Variants in NELL1 observed in about 807,000 individuals in gnomAD.
NELL1 encodes protein kinase C-binding protein NELL1.
Under a neutral mutation model 107.4 loss-of-function variants are expected in NELL1, and 76 were observed. That is an observed-to-expected ratio of 0.71 (90% CI 0.59 to 0.86). The LOEUF is 0.86. NELL1 is among the 40% of genes least tolerant of loss of function. The pLI, the probability that NELL1 is intolerant of heterozygous loss-of-function variation, is 0.00. For synonymous variants in NELL1, 353 were observed against 341.2 expected (o/e 1.03, Z -0.38); for missense variants, 1,024 against 1,005.5 (o/e 1.02, Z -0.25).
chr11:21,029,747 G>T (rs1039146992), intron 12 of NELL1, among the ~76,000 whole-genome samples: 1 of 152,136 alleles, frequency 6.6e-6, no homozygotes, highest in African/African-American at 2.4e-5. Flanking sequence ...TGAATAAAGG[G>T]CATGGAAGAA....
chr11:20,926,701 T>A (rs1279683329), intron 7 of NELL1, among the ~76,000 whole-genome samples: 1 of 152,200 alleles, frequency 6.6e-6, no homozygotes, highest in Non-Finnish European at 1.5e-5. Flanking sequence ...TTTTACAAAA[T>A]TCTGATCTTA....
intron 15 of NELL1, among the ~76,000 whole-genome samples, chr11:21,497,126 C>T (rs1256640053): frequency 2.3e-5 from 3 of 129,256 alleles, no homozygotes; most frequent in Non-Finnish European, 4.6e-5. Context: ...GATTTATAAT[C>T]CTTTGGGTAT....
At chr11:21,043,042 A>G (rs1423957434) in intron 12 of NELL1, among the ~76,000 whole-genome samples, 2 of 152,176 alleles carry the variant, frequency 1.3e-5, no homozygotes, top group East Asian at 3.9e-4. Context: ...TTACGGTGCT[A>G]TTAATAACTC....
intron 13 of NELL1, among the ~76,000 whole-genome samples, chr11:21,221,707 T>G (rs1857761616): frequency 6.6e-6 from 1 of 152,184 alleles, no homozygotes; most frequent in Non-Finnish European, 1.5e-5. Context: ...TTTTTGTTGT[T>G]GTTCAGGCAA....
At chr11:21,049,395 C>T (rs905959275) in intron 12 of NELL1, among the ~76,000 whole-genome samples, 1 of 152,166 alleles carries the variant, frequency 6.6e-6, no homozygotes, top group Admixed American at 6.5e-5. Context: ...TTTGAAACTT[C>T]TCCTGAGCAG....
chr11:20,921,762 T>A (rs547043273), intron 7 of NELL1, among the ~76,000 whole-genome samples: 21 of 151,536 alleles, frequency 1.4e-4, no homozygotes, highest in Non-Finnish European at 2.8e-4. Context: ...AAGAAGAAGG[T>A]TATGGCAAGA....
intron 15 of NELL1, among the ~76,000 whole-genome samples, chr11:21,398,142 T>A (rs993032137): frequency 4.6e-5 from 7 of 151,678 alleles, no homozygotes; most frequent in Non-Finnish European, 3.0e-5. Context: ...CATTTTTAAT[T>A]TATGAACGAG....
chr11:21,206,794 C>T (rs1471868994), intron 13 of NELL1, among the ~76,000 whole-genome samples: 1 of 152,100 alleles, frequency 6.6e-6, no homozygotes, highest in African/African-American at 2.4e-5. Context: ...ACTGAGACTC[C>T]CTGAAGGAGA....
chr11:21,524,052 AT>A (rs1214946509), intron 15 of NELL1, among the ~76,000 whole-genome samples: 2 of 152,102 alleles, frequency 1.3e-5, no homozygotes, highest in African/African-American at 4.8e-5. Flanking sequence ...TTTTCTTTAC[AT>A]TTTGAACATA....
At chr11:21,021,270 G>C (rs1302730124) in intron 12 of NELL1, among the ~76,000 whole-genome samples, 1 of 150,982 alleles carries the variant, frequency 6.6e-6, no homozygotes, top group African/African-American at 2.4e-5. Context: ...AGCTTGGCTT[G>C]ATGGGGCTGG....
intron 3 of NELL1, among the ~76,000 whole-genome samples, chr11:20,841,409 G>A (rs923179039): frequency 1.3e-5 from 2 of 150,364 alleles, no homozygotes; most frequent in African/African-American, 4.9e-5. Context: ...TGTGCCCAGT[G>A]CCCAGGGAGA....
chr11:21,328,832 C>A (rs932719409), intron 14 of NELL1, among the ~76,000 whole-genome samples: 1 of 152,152 alleles, frequency 6.6e-6, no homozygotes, highest in Non-Finnish European at 1.5e-5. Flanking sequence ...GGATTTCAAA[C>A]TTGCATGAGG....
Position 20,971,533 on chromosome 11 carries a change from G to C in NELL1, c.1300+10973G>C, listed in dbSNP as rs1408974846. ...CAGAAATGAGAATTGAACTCACTCA[G>C]TTTTTATTGTACTCTTGTTATTGCA... On this transcript the variant is annotated intron_variant, in intron 12 of 19. Transcript: ENST00000357134. 2.0e-5 allele frequency among the ~76,000 whole-genome samples: 3 copies of C among 152,226 alleles called. No homozygotes were observed. The East Asian group carries it at 5.8e-4, about 29-fold the overall frequency.
At chr11:20,711,494 C>T (rs144709312) in intron 2 of NELL1, among the ~76,000 whole-genome samples, 1,536 of 151,968 alleles carry the variant, frequency 0.01, 25 homozygotes, top group African/African-American at 0.035. Flanking sequence ...TTATGTTTCA[C>T]GGAGGTTCTA....
rs539479235 is a variant in NELL1, at chr11:21,456,058, A to G, written c.1646-78316A>G. Among the ~76,000 whole-genome samples, 3 of 151,636 alleles carry G rather than the reference A, an allele frequency of 2.0e-5. No homozygotes were observed. In the South Asian group the frequency reaches 6.3e-4, roughly 32 times the overall value. ...AGGCACGTGCCACCAAGCCTGGCTA[A>G]TTATTTGTATTTTTTATACAGACAG... On this transcript the variant is annotated intron_variant, in intron 15 of 19. Transcript: ENST00000357134.
At chr11:20,722,020 T>A (rs1466183397) in intron 2 of NELL1, among the ~76,000 whole-genome samples, 151 of 15,076 alleles carry the variant, frequency 0.01, 1 homozygote, top group South Asian at 0.04. Flanking sequence ...TGAGTCTCTC[T>A]TTTTTTTTTT....
chr11:21,467,949 T>C (rs1276372759), intron 15 of NELL1, among the ~76,000 whole-genome samples: 1 of 152,106 alleles, frequency 6.6e-6, no homozygotes, highest in Non-Finnish European at 1.5e-5. Context: ...TCAGTAAATA[T>C]GGCTTTGGGA....
At chr11:20,828,805 T>G (rs2134033892) in intron 3 of NELL1, among the ~76,000 whole-genome samples, 1 of 152,310 alleles carries the variant, frequency 6.6e-6, no homozygotes, top group South Asian at 2.1e-4. Flanking sequence ...CTGTGACAGG[T>G]AGAAGGTGGA....
At chr11:21,359,190 TCACA>T (rs899291359) in intron 14 of NELL1, among the ~76,000 whole-genome samples, 31 of 152,168 alleles carry the variant, frequency 2.0e-4, no homozygotes, top group African/African-American at 7.5e-4. Flanking sequence ...AATCATAAAG[TCACA>T]CTGAATTTTG....
Sources: gnomAD v4.1 joint callset for allele counts (sites outside exome capture counted in the v4.1 genomes callset) on GRCh38, gnomAD v4.1.1 for gene constraint, MANE v1.5 for transcripts, NCBI Gene and HGNC (gene_info 2026-07-23, HGNC 2026-07-21) for gene names.